The following RBFOX3 variants were observed in gnomAD, a reference collection of about 807,000 sequenced individuals.
RBFOX3 encodes RNA binding protein fox-1 homolog 3.
Under a neutral mutation model 48.7 loss-of-function variants are expected in RBFOX3, and 17 were observed. That is an observed-to-expected ratio of 0.35 (90% confidence interval 0.24 to 0.52). The LOEUF (loss-of-function observed/expected upper bound fraction) is 0.52. Among genes scored for constraint, RBFOX3 ranks in the 20% least tolerant of loss-of-function variants. The pLI is 0.94. For synonymous variants in RBFOX3, 212 were observed against 209.5 expected (o/e 1.01, Z -0.10); for missense variants, 382 against 497.5 (o/e 0.77, Z 2.21).
intron 4 of RBFOX3, among the ~76,000 whole-genome samples, chr17:79,133,111 C>T (rs1156864518): frequency 6.6e-6 from 1 of 152,198 alleles, no homozygotes; most frequent in East Asian, 1.9e-4. Context: ...CTTCTGCCTC[C>T]AGGGAGGAGG....
Position 79,299,565 on chromosome 17 carries a change from C to T in RBFOX3, c.-74+8159G>A, listed in dbSNP as rs900385709. Among the ~76,000 whole-genome samples the T allele has an allele frequency of 6.6e-6, 1 of 152,204 alleles. No homozygotes were observed. Among genetic ancestry groups the T allele is most frequent in the African/African-American group, 2.4e-5 (1 of 41,450 alleles). On this transcript the variant is annotated intron_variant, in intron 3 of 14. Transcript: ENST00000693108. This position sits in a 1 kb window ranked among gnomAD's most constrained non-coding sequence, Gnocchi z 4.5. ...CTGGAGGATGCACGTGGGTTACATG[C>T]AGAGGCTGCGCCATTTCCTACCAGG... is the stretch of plus-strand genomic sequence containing the variant.
chr17:79,218,017 C>T (rs963315627), intron 4 of RBFOX3, among the ~76,000 whole-genome samples: 5 of 151,618 alleles, frequency 3.3e-5, no homozygotes, highest in South Asian at 2.1e-4. Context: ...AGTGGGAAGT[C>T]GGGGTAGAGG....
the RBFOX3 span, among the ~76,000 whole-genome samples, chr17:79,646,770 T>G: frequency 6.6e-6 from 1 of 152,208 alleles, no homozygotes; most frequent in Non-Finnish European, 1.5e-5. Context: ...CTCTCCTGTC[T>G]GGCTCTGCTC....
the RBFOX3 span, among the ~76,000 whole-genome samples, chr17:79,641,298 T>C: frequency 6.6e-6 from 1 of 152,136 alleles, no homozygotes; most frequent in Non-Finnish European, 1.5e-5. Context: ...AGACAAAAGA[T>C]AACAAGTATG....
the RBFOX3 span, among the ~76,000 whole-genome samples, chr17:79,637,947 A>G: frequency 6.6e-6 from 1 of 152,210 alleles, no homozygotes; most frequent in African/African-American, 2.4e-5. Context: ...AGAAAATTAG[A>G]AAATTCACAA....
At chr17:79,314,906 CTTTTTTT>C (rs57401166) in intron 2 of RBFOX3, among the ~76,000 whole-genome samples, 2 of 151,780 alleles carry the variant, frequency 1.3e-5, no homozygotes, top group Non-Finnish European at 2.9e-5. Context: ...GTGATCCTTC[CTTTTTTT>C]TTTTTTTTTA....
At chr17:79,620,553 A>T in the RBFOX3 span, among the ~76,000 whole-genome samples, 3 of 148,958 alleles carry the variant, frequency 2.0e-5, no homozygotes, top group South Asian at 4.3e-4. Flanking sequence ...ACGCATGCAC[A>T]CATGTGCACA....
intron 4 of RBFOX3, among the ~76,000 whole-genome samples, chr17:79,156,083 C>T (rs1599717475): frequency 6.6e-6 from 1 of 152,352 alleles, no homozygotes; most frequent in Middle Eastern, 3.4e-3. Context: ...TCCAATCTGG[C>T]TGTTGTTCTG....
chr17:79,659,963 G>A, the RBFOX3 span, among the ~76,000 whole-genome samples: 1 of 152,100 alleles, frequency 6.6e-6, no homozygotes, highest in African/African-American at 2.4e-5. Context: ...GAGGCGGGCA[G>A]ATCATGTGAG....
intron 4 of RBFOX3, among the ~76,000 whole-genome samples, chr17:79,154,422 C>G (rs77264943): frequency 3.9e-5 from 6 of 152,206 alleles, no homozygotes; most frequent in Non-Finnish European, 7.3e-5. Flanking sequence ...TCTGCTGCAC[C>G]GAGGTGCTGT....
chr17:79,469,445 C>T (rs1172718906), intron 2 of RBFOX3, among the ~76,000 whole-genome samples: 11 of 152,322 alleles, frequency 7.2e-5, no homozygotes, highest in Admixed American at 4.6e-4. Context: ...CACGTCAGGG[C>T]GCCTGGTCCT....
intron 2 of RBFOX3, among the ~76,000 whole-genome samples, chr17:79,398,438 C>T (rs1430144523): frequency 6.6e-6 from 1 of 152,134 alleles, no homozygotes; most frequent in Admixed American, 6.5e-5. Flanking sequence ...CTGACGATAT[C>T]TGTCAGCGTT....
chr17:79,238,439 A>C (rs2061903392), intron 3 of RBFOX3, among the ~76,000 whole-genome samples: 1 of 152,236 alleles, frequency 6.6e-6, no homozygotes, highest in African/African-American at 2.4e-5. Context: ...GTGAAGCAGG[A>C]CTAAGCCAAA....
At chr17:79,620,497 GCA>G in the RBFOX3 span, among the ~76,000 whole-genome samples, 14 of 122,496 alleles carry the variant, frequency 1.1e-4, no homozygotes, top group Admixed American at 3.1e-4. Context: ...GCACACACGC[GCA>G]CACACATGCG....
intron 2 of RBFOX3, among the ~76,000 whole-genome samples, chr17:79,370,178 G>A (rs1314542861): frequency 1.3e-5 from 2 of 152,332 alleles, no homozygotes; most frequent in East Asian, 3.9e-4. Context: ...AGAGCCAAGA[G>A]GAAAGAAGTC....
At chr17:79,631,529 G>T in the RBFOX3 span, among the ~76,000 whole-genome samples, 2 of 152,146 alleles carry the variant, frequency 1.3e-5, no homozygotes, top group African/African-American at 4.8e-5. Context: ...GTCCAGACTG[G>T]GGTCCATGAG....
intron 2 of RBFOX3, among the ~76,000 whole-genome samples, chr17:79,432,353 A>C (rs993655228): frequency 4.6e-5 from 7 of 152,198 alleles, no homozygotes; most frequent in Non-Finnish European, 1.0e-4. Flanking sequence ...AGATTGTTTC[A>C]TAGAAACAAG....
At chr17:79,318,905 G>A (rs2077975781) in intron 2 of RBFOX3, among the ~76,000 whole-genome samples, 1 of 148,224 alleles carries the variant, frequency 6.7e-6, no homozygotes, top group Non-Finnish European at 1.5e-5. Flanking sequence ...GATAGCATTT[G>A]GAGATATACC....
chr17:79,203,558 GGCGT>G (rs2057088391), intron 4 of RBFOX3, among the ~76,000 whole-genome samples: 2 of 80,482 alleles, frequency 2.5e-5, no homozygotes, highest in Non-Finnish European at 5.0e-5. Flanking sequence ...AGGGTGAAGG[GGCGT>G]GTAAGGACTG....
Sources: allele counts gnomAD v4.1 joint callset (sites outside exome capture counted in the v4.1 genomes callset), GRCh38; gene constraint gnomAD v4.1.1; non-coding constraint Gnocchi (gnomAD v3.1); transcripts MANE v1.5; gene names NCBI Gene and HGNC (gene_info 2026-07-23, HGNC 2026-07-21).